The following CCT4 variants were observed in gnomAD, a reference collection of about 807,000 sequenced individuals.
The protein encoded by CCT4 is T-complex protein 1 subunit delta.
In CCT4, 17 loss-of-function variants were observed where a neutral mutation model predicts 62.5. The ratio of observed to expected loss-of-function variants is 0.27; its 90% confidence interval spans 0.19 to 0.41. The LOEUF (loss-of-function observed/expected upper bound fraction) is 0.41. Among genes scored for constraint, CCT4 ranks in the 10% least tolerant of loss-of-function variants. The pLI, the probability that CCT4 is intolerant of heterozygous loss-of-function variation, is 1.00. For missense variants in CCT4, 592 were observed against 659.2 expected (o/e 0.90, Z 1.12); for synonymous variants, 250 against 229.9 (o/e 1.09, Z -0.79).
At chr2:61,870,352 C>G (rs1470637589) in intron 12 of CCT4, among the ~76,000 whole-genome samples, 1 of 152,168 alleles carries the variant, frequency 6.6e-6, no homozygotes, top group Non-Finnish European at 1.5e-5. Flanking sequence ...ATTAGATCAA[C>G]CCCAGTCTAC....
Position 61,888,585 on chromosome 2 carries a change from G to A in CCT4, c.-78C>T, listed in dbSNP as rs1572931428. The A allele has an allele frequency of 3.9e-6, 6 of 1,523,966 alleles. No homozygotes were observed. Among genetic ancestry groups the A allele is most frequent in the South Asian group, 1.2e-5 (1 of 83,244 alleles). The allele number at this position is 1,523,966 out of a possible 1,614,324, so 94.4% of individuals were successfully genotyped here. ...TCTGGCCGGCCGCAGTGTAATAACG[G>A]TAAGCCCTCACTGCCTTCACGAACC... On this transcript the variant is annotated 5_prime_UTR_variant, in exon 1 of 14. Transcript: ENST00000394440.
At chr2:61,879,256 C>CTGT in intron 4 of CCT4, among the ~76,000 whole-genome samples, 1 of 101,048 alleles carries the variant, frequency 9.9e-6, no homozygotes, top group African/African-American at 3.9e-5. Context: ...AAATTTTATA[C>CTGT]TTTTTTTTTT....
At chr2:61,871,200 T>A (rs2105125138) in intron 12 of CCT4, among the ~76,000 whole-genome samples, 1 of 150,130 alleles carries the variant, frequency 6.7e-6, no homozygotes, top group Middle Eastern at 3.5e-3. Context: ...CCTGGCTAAT[T>A]TTTTTTTTTG....
rs998330030 is a variant in CCT4, at chr2:61,873,362, G to A, written c.918-69C>T. The A allele has an allele frequency of 4.2e-6, 3 of 710,134 alleles. No individual in the cohort carries two copies. The African/African-American group carries it at 5.3e-5, about 13-fold the overall frequency. The allele number at this position is 710,134 out of a possible 1,614,324, so 44.0% of individuals were successfully genotyped here. A position where few individuals can be genotyped will look rare whatever the true frequency, so the allele number is the denominator to read the frequency against. On this transcript the variant is annotated intron_variant, in intron 8 of 13. Coordinates refer to ENST00000394440, the MANE Select transcript of CCT4 (RefSeq NM_006430.4). ...AATTTTGCTCTTCAAATGCCTTTAA[G>A]GTTTTAATTACTGTTTCTTAAATGG...
At chr2:61,873,511 G>A (rs1668929681) in intron 8 of CCT4, among the ~76,000 whole-genome samples, 1 of 152,024 alleles carries the variant, frequency 6.6e-6, no homozygotes, top group African/African-American at 2.4e-5. Flanking sequence ...TGTCCCCAAT[G>A]ACACTATAAA....
At chr2:61,883,386 TAGCCTGGATGA>T (rs1313476877) in intron 3 of CCT4, 62 bp downstream of exon 3, 7 of 768,074 alleles carry the variant, frequency 9.1e-6, no homozygotes, top group African/African-American at 3.7e-5. Flanking sequence ...CACGGCACTC[TAGCCTGGATGA>T]CAGAGCAAGA....
In CCT4 at chr2:61,888,633, C is replaced by A; in HGVS notation, c.-126G>T. ...ACCTTCCAGAAAGCGGCGCCGGCGT[C>A]GGGAGGAGGCGGAGGCGGAGAAGGG... On this transcript the variant is annotated 5_prime_UTR_variant, in exon 1 of 14. Coordinates refer to ENST00000394440, the MANE Select transcript of CCT4 (RefSeq NM_006430.4). 1.1e-5 allele frequency: 13 copies of A among 1,169,694 alleles called. No individual in the cohort carries two copies. The highest frequency in any genetic ancestry group is 1.4e-5 in the Non-Finnish European group (12 of 861,220). The allele number at this position is 1,169,694 out of a possible 1,614,324, so 72.5% of individuals were successfully genotyped here. A position where few individuals can be genotyped will look rare whatever the true frequency, so the allele number is the denominator to read the frequency against.
chr2:61,869,143 G>GAAAAAAAA (rs33947847), intron 13 of CCT4, among the ~76,000 whole-genome samples: 1 of 70,722 alleles, frequency 1.4e-5, no homozygotes, highest in Non-Finnish European at 2.6e-5. Context: ...CTTCGTCTCA[G>GAAAAAAAA]AAAAAAAAAA....
chr2:61,872,042 A>G (rs202089088), intron 12 of CCT4, 40 bp downstream of exon 12: 1 of 1,361,652 alleles, frequency 7.3e-7, no homozygotes, highest in African/African-American at 1.5e-5. Flanking sequence ...TAATATTTTA[A>G]ATTAATCAAT....
chr2:61,871,732 T>G (rs1668888662), intron 12 of CCT4, among the ~76,000 whole-genome samples: 2 of 152,218 alleles, frequency 1.3e-5, no homozygotes, highest in Admixed American at 1.3e-4. Flanking sequence ...ATGCCAAGCA[T>G]CTATCTAAGA....
At chr2:61,871,339 A>G (rs914394389) in intron 12 of CCT4, among the ~76,000 whole-genome samples, 2 of 152,080 alleles carry the variant, frequency 1.3e-5, no homozygotes, top group African/African-American at 4.8e-5. Flanking sequence ...CGTCAGGCCT[A>G]TTAATAATAG....
intron 5 of CCT4, 41 bp from the exon 6 acceptor site, chr2:61,877,555 GAAA>G: frequency 6.9e-7 from 1 of 1,444,106 alleles, no homozygotes; most frequent in Non-Finnish European, 9.3e-7. Context: ...CTTCACAGTA[GAAA>G]AAAGTCCTAA....
chr2:61,882,810 T>C (rs1227086928), intron 3 of CCT4, among the ~76,000 whole-genome samples: 1 of 51,244 alleles, frequency 2.0e-5, no homozygotes, highest in East Asian at 3.1e-4. Context: ...TGTGCCCAGC[T>C]TTTTTTTTTT....
chr2:61,883,660 A>G, intron 2 of CCT4, 112 bp from the exon 3 acceptor site: 1 of 643,768 alleles, frequency 1.6e-6, no homozygotes, highest in Non-Finnish European at 2.7e-6. Context: ...ACTTAATTTT[A>G]AATTCTCTTC....
rs766978947 is a variant in CCT4 at position 61,878,977 on chromosome 2, C to G, written c.414G>C (p.Gln138His). 6.2e-7 allele frequency: 1 copy of G among 1,609,618 alleles called. No homozygotes were observed. Among genetic ancestry groups the G allele is most frequent in the South Asian group, 1.1e-5 (1 of 90,410 alleles). The change falls in exon 5 of 14, where the codon CAG (glutamine) becomes CAC (histidine). Residue 138 changes from glutamine (Q) to histidine (H), a missense_variant. Gln to His is a conservative substitution (Grantham distance 24). Transcript: ENST00000394440. ...TTTCAATGCCCTTTTCCAGGGCCTT[C>G]TGGAATGACTCAGAAATGATGGTTG... ...IHPTIISESFQKALEKGIEIL... is the reference protein window; with the variant it reads ...IHPTIISESFHKALEKGIEIL...
intron 3 of CCT4, among the ~76,000 whole-genome samples, chr2:61,880,919 C>T (rs961388584): frequency 6.6e-6 from 1 of 151,864 alleles, no homozygotes. Flanking sequence ...GAGACGGGGC[C>T]CCATTATGTT....
Position 61,875,998 on chromosome 2 carries a change from G to T in CCT4, c.917+97C>A, listed in dbSNP as rs562408492. The T allele has an allele frequency of 5.8e-5, 41 of 706,812 alleles. No homozygotes were observed. In the African/African-American group the frequency reaches 7.0e-4, roughly 12 times the overall value. 43.8% of individuals were successfully genotyped at this position (706,812 alleles called of 1,614,324 possible). A position where few individuals can be genotyped will look rare whatever the true frequency, so the allele number is the denominator to read the frequency against. ...GTCTGTTAAGAAATACGAACTTAGA[G>T]TAAGTGCTTAAATCATATATTTTAT... On this transcript the variant is annotated intron_variant, in intron 8 of 13. Coordinates refer to ENST00000394440, the MANE Select transcript of CCT4 (RefSeq NM_006430.4).
Position 61,869,335 on chromosome 2 carries a change from C to CA in CCT4, c.1605+104dup, listed in dbSNP as rs368134608. On this transcript the variant is annotated intron_variant, in intron 13 of 13. Coordinates refer to ENST00000394440, the MANE Select transcript of CCT4 (RefSeq NM_006430.4). ...TGGGCAACAGAGCAAAACTTTGTCT[C>CA]AAAAAAACCAACCAACCAACCAAAC... The CA allele has an allele frequency of 3.3e-4, 223 of 669,776 alleles. 1 individual carries two copies. In the African/African-American group the frequency reaches 3.5e-3, roughly 10 times the overall value. The allele number at this position is 669,776 out of a possible 1,614,324, so 41.5% of individuals were successfully genotyped here. A position where few individuals can be genotyped will look rare whatever the true frequency, so the allele number is the denominator to read the frequency against.
rs528250827 is a variant in CCT4, at chr2:61,883,038, G to A, written c.270+421C>T. On this transcript the variant is annotated intron_variant, in intron 3 of 13. Transcript: ENST00000394440. ...GGCACACAATGTATCCTAAAAATAT[G>A]CCTGTTCAGCACGAAAAGTGTTCAT... 1.6e-4 allele frequency among the ~76,000 whole-genome samples: 24 copies of A among 152,212 alleles called. 1 individual carries two copies. In the South Asian group the frequency reaches 3.9e-3, roughly 25 times the overall value.
Sources: gnomAD v4.1 joint callset for allele counts (sites outside exome capture counted in the v4.1 genomes callset) on GRCh38, gnomAD v4.1.1 for gene constraint, MANE v1.5 for transcripts, NCBI Gene and HGNC (gene_info 2026-07-23, HGNC 2026-07-21) for gene names.